CD247: variants seen among roughly 807,000 people sequenced by gnomAD.
CD247 encodes the protein T-cell surface glycoprotein CD3 zeta chain.
CD247 carries 13 observed loss-of-function variants against 30.0 expected under a neutral mutation model. The observed-to-expected ratio is 0.43, with a 90% CI of 0.28 to 0.69. CD247 has a LOEUF of 0.69. Among genes scored for constraint, CD247 ranks in the 30% least tolerant of loss-of-function variants. The pLI is 0.16. For synonymous variants in CD247, 72 were observed against 80.0 expected, an observed-to-expected ratio of 0.90 and a Z score of 0.53; for missense variants, 193 against 212.6, an observed-to-expected ratio of 0.91 and a Z score of 0.57.
intron 1 of CD247, among the ~76,000 whole-genome samples, chr1:167,445,295 G>A (rs1402018371): frequency 1.3e-5 from 2 of 152,088 alleles, no homozygotes; most frequent in African/African-American, 4.8e-5. Context: ...CCCCATAAGG[G>A]TATGTGTTCC....
intron 1 of CD247, among the ~76,000 whole-genome samples, chr1:167,450,926 A>C (rs1273734998): frequency 6.6e-6 from 1 of 151,602 alleles, no homozygotes; most frequent in Non-Finnish European, 1.5e-5. Flanking sequence ...AAAAAAAAAA[A>C]AGAAAAGAAA....
intron 1 of CD247, among the ~76,000 whole-genome samples, chr1:167,468,243 C>T (rs976134694): frequency 6.6e-6 from 1 of 152,042 alleles, no homozygotes; most frequent in Non-Finnish European, 1.5e-5. Flanking sequence ...CTGTCCTCCT[C>T]CCCCAGTAAA....
intron 1 of CD247, among the ~76,000 whole-genome samples, chr1:167,473,960 C>T (rs957028560): frequency 6.6e-6 from 1 of 152,034 alleles, no homozygotes; most frequent in African/African-American, 2.4e-5. Flanking sequence ...TGGCCTGTGC[C>T]CTTTTGGTCT....
chr1:167,461,316 A>G (rs1171481402), intron 1 of CD247, among the ~76,000 whole-genome samples: 1 of 152,240 alleles, frequency 6.6e-6, no homozygotes, highest in Non-Finnish European at 1.5e-5. Context: ...ATCAGAGCCA[A>G]TGGCAGCATC....
intron 1 of CD247, among the ~76,000 whole-genome samples, chr1:167,452,812 C>A (rs1558002488): frequency 6.6e-6 from 1 of 151,904 alleles, no homozygotes. Flanking sequence ...CCACCAAGAG[C>A]CCCCCAACGC....
intron 1 of CD247, among the ~76,000 whole-genome samples, chr1:167,468,070 C>T (rs1653341160): frequency 6.6e-6 from 1 of 151,986 alleles, no homozygotes; most frequent in African/African-American, 2.4e-5. Context: ...GAAGATACTA[C>T]GCTCACACCG....
At chr1:167,470,255 C>T (rs1044539896) in intron 1 of CD247, among the ~76,000 whole-genome samples, 2 of 152,034 alleles carry the variant, frequency 1.3e-5, no homozygotes, top group Non-Finnish European at 2.9e-5. Flanking sequence ...ACTGTTGACC[C>T]CACCATTTAG....
intron 1 of CD247, among the ~76,000 whole-genome samples, chr1:167,454,694 A>C (rs1401733587): frequency 6.6e-6 from 1 of 152,264 alleles, no homozygotes; most frequent in African/African-American, 2.4e-5. Context: ...TGTAAGGACG[A>C]GATGCTTTCA....
chr1:167,511,124 G>A (rs750402279), intron 1 of CD247, among the ~76,000 whole-genome samples: 2 of 152,172 alleles, frequency 1.3e-5, no homozygotes, highest in Non-Finnish European at 2.9e-5. Context: ...ATAGACATTT[G>A]TCATTCAAAG....
chr1:167,465,447 G>C (rs1653201364), intron 1 of CD247, among the ~76,000 whole-genome samples: 1 of 150,650 alleles, frequency 6.6e-6, no homozygotes, highest in Non-Finnish European at 1.5e-5. Context: ...TCCTGCCTCA[G>C]CCTCCCGAGT....
intron 1 of CD247, among the ~76,000 whole-genome samples, chr1:167,506,593 T>C (rs2102109937): frequency 6.6e-6 from 1 of 152,184 alleles, no homozygotes; most frequent in South Asian, 2.1e-4. Context: ...AGGCTTGCTG[T>C]CTACTCTTCT....
At chr1:167,518,118 G>T (rs545751847) in intron 1 of CD247, among the ~76,000 whole-genome samples, 22 of 152,166 alleles carry the variant, frequency 1.4e-4, no homozygotes, top group Non-Finnish European at 1.9e-4. Context: ...GGCCTGCCTC[G>T]GTTGCTCTCT....
chr1:167,461,122 G>A (rs1262554524), intron 1 of CD247, among the ~76,000 whole-genome samples: 1 of 152,240 alleles, frequency 6.6e-6, no homozygotes, highest in African/African-American at 2.4e-5. Flanking sequence ...TGGGCTGAGA[G>A]GCAGACTGCT....
chr1:167,494,953 C>G lies in CD247; in HGVS notation c.58+23455G>C, dbSNP rs1654621270. 6.6e-6 allele frequency among the ~76,000 whole-genome samples: 1 copy of G among 152,208 alleles called. No individual in the cohort carries two copies. Among genetic ancestry groups the G allele is most frequent in the Non-Finnish European group, 1.5e-5 (1 of 68,044 alleles). The stretch of plus-strand genomic sequence containing the variant: ...GCTGGGCTGGACTCTGTTCTCTCCC[C>G]ACCTGGACCTTGTGTCCGAGGAGCA... On this transcript the variant is annotated intron_variant, in intron 1 of 7. Coordinates refer to ENST00000362089, the MANE Select transcript of CD247 (RefSeq NM_198053.3). This position sits in a 1 kb window ranked among gnomAD's most constrained non-coding sequence, Gnocchi z 7.3.
intron 1 of CD247, among the ~76,000 whole-genome samples, chr1:167,472,256 G>T (rs2102050282): frequency 6.6e-6 from 1 of 152,244 alleles, no homozygotes; most frequent in Admixed American, 6.5e-5. Flanking sequence ...CATAGAAGTT[G>T]AAATTTAAGT....
intron 1 of CD247, among the ~76,000 whole-genome samples, chr1:167,480,153 G>T (rs1653919691): frequency 6.6e-6 from 1 of 152,176 alleles, no homozygotes; most frequent in South Asian, 2.1e-4. Context: ...AAGGTGATTT[G>T]TCAGGGCAGC....
intron 1 of CD247, among the ~76,000 whole-genome samples, chr1:167,503,772 G>T (rs891861844): frequency 6.6e-6 from 1 of 152,148 alleles, no homozygotes; most frequent in East Asian, 1.9e-4. Flanking sequence ...GAACCATGGG[G>T]CCAGGTGAGG....
At chr1:167,482,626 T>C (rs749508715) in intron 1 of CD247, among the ~76,000 whole-genome samples, 3 of 152,202 alleles carry the variant, frequency 2.0e-5, no homozygotes, top group Non-Finnish European at 2.9e-5. Flanking sequence ...CTAGCTGCTA[T>C]GAAAGCAACA....
At chr1:167,432,936 T>C (rs1002613405) in intron 7 of CD247, 88 bp downstream of exon 7, 12 of 1,445,244 alleles carry the variant, frequency 8.3e-6, no homozygotes, top group Non-Finnish European at 1.2e-5. Context: ...CAAGAGCTGG[T>C]GCCACCAGCA....
Sources: allele counts gnomAD v4.1 joint callset (sites outside exome capture counted in the v4.1 genomes callset), GRCh38; gene constraint gnomAD v4.1.1; non-coding constraint Gnocchi (gnomAD v3.1); transcripts MANE v1.5; gene names NCBI Gene and HGNC (gene_info 2026-07-23, HGNC 2026-07-21).